Variants in CCAR2 observed in about 807,000 individuals in gnomAD.
The protein encoded by CCAR2 is cell cycle and apoptosis regulator protein 2.
A neutral mutation model predicts 108.1 loss-of-function variants in CCAR2; 21 were observed. The observed-to-expected ratio is 0.19, with a 90% CI of 0.14 to 0.28. The LOEUF (loss-of-function observed/expected upper bound fraction) is 0.28, where lower values mean the gene tolerates loss of function less well. Among genes scored for constraint, CCAR2 ranks in the 10% least tolerant of loss-of-function variants. The pLI, the probability that CCAR2 is intolerant of heterozygous loss-of-function variation, is 1.00. For missense variants in CCAR2, 1,126 were observed against 1,177.0 expected, an observed-to-expected ratio of 0.96 and a Z score of 0.63; for synonymous variants, 577 against 472.8, an observed-to-expected ratio of 1.22 and a Z score of -2.86.
intron 8 of CCAR2, among the ~76,000 whole-genome samples, chr8:22,613,355 C>CTTTTTTTTTTTTTTTTTTTTTTT (rs5890057): frequency 2.4e-5 from 3 of 125,842 alleles, no homozygotes; most frequent in African/African-American, 2.9e-5. Flanking sequence ...AGATCTAGTT[C>CTTTTTTTTTTTTTTTTTTTTTTT]TTTTTTTTTT....
rs547168885 is a variant in CCAR2, at chr8:22,607,296, A to G, written c.458A>G (p.His153Arg). ...GAQPQLIFQP[H>R]RIPPLFPQKP... is the part of the protein sequence containing the mutation. The stretch of plus-strand genomic sequence containing the variant: ...CAGCCTCAGTTGATCTTCCAGCCTC[A>G]CCGGATTCCCCCACTCTTTCCTCAG... Residue 153 changes from histidine (H) to arginine (R), a missense_variant, in exon 6 of 21, where the codon CAC (histidine) becomes CGC (arginine). Physicochemically the swap from His to Arg is conservative, Grantham distance 29 (BLOSUM62 0). This residue lies in a region of CCAR2 where 1,013 missense variants were observed against 993.9 expected (regional missense o/e 1.02). Coordinates refer to ENST00000308511, the MANE Select transcript of CCAR2 (RefSeq NM_001393997.1). 1.2e-6 allele frequency: 2 copies of G among 1,613,052 alleles called. No individual in the cohort carries two copies. The highest frequency in any genetic ancestry group is 1.7e-6 in the Non-Finnish European group (2 of 1,179,978).
At chr8:22,621,340 T>G, downstream of CCAR2, 2 of 1,501,356 alleles carry the variant, frequency 1.3e-6, no homozygotes, top group Middle Eastern at 1.8e-4. Flanking sequence ...CCCCAGCCTG[T>G]GAGAGGAGCA....
At chr8:22,609,181 G>T (rs10108382) in intron 7 of CCAR2, among the ~76,000 whole-genome samples, 1 of 151,934 alleles carries the variant, frequency 6.6e-6, no homozygotes, top group Non-Finnish European at 1.5e-5. Flanking sequence ...CTCCGCAGTA[G>T]CTGGGACTGC....
At position 22,614,438 on chromosome 8, in the gene CCAR2, A is replaced by C. The variant is rs1180815168; in HGVS notation, c.976A>C (p.Met326Leu). 1 of 1,614,204 alleles carries C rather than the reference A, an allele frequency of 6.2e-7. No individual in the cohort carries two copies. The highest frequency in any genetic ancestry group is 1.7e-5 in the Admixed American group (1 of 60,026). The part of the protein sequence containing the change: ...PGLEELYRCC[M>L]LFVDDMAEPR... The stretch of plus-strand genomic sequence containing the variant: ...GTTGGAGGAATTGTATCGTTGTTGC[A>C]TGCTCTTTGTGGATGACATGGCTGA... The change falls in exon 10 of 21, where the codon ATG becomes CTG. Residue 326 changes from methionine to leucine, a missense_variant. Met to Leu is a conservative substitution (Grantham distance 15). Transcript: ENST00000308511.
chr8:22,621,431 G>A (rs766793980), downstream of CCAR2: 22 of 1,612,958 alleles, frequency 1.4e-5, no homozygotes, highest in Admixed American at 1.3e-4. Flanking sequence ...TTCAGTCATC[G>A]GCCACAATGG....
chr8:22,610,535 G>A (rs1462819212), intron 7 of CCAR2, among the ~76,000 whole-genome samples: 1 of 152,230 alleles, frequency 6.6e-6, no homozygotes. Flanking sequence ...GCTAGAGGCC[G>A]ACAGCATTCC....
rs1801070245 is a variant in CCAR2, at chr8:22,606,143, C to T, written c.117C>T (p.Ala39=). Residue 39 remains alanine, a synonymous_variant, in exon 3 of 21, where the codon GCC becomes GCT. Coordinates refer to ENST00000308511, the MANE Select transcript of CCAR2 (RefSeq NM_001393997.1). The stretch of plus-strand genomic sequence containing the variant: ...CTGGTTTGCTCACTCCTCCTGTGGC[C>T]ACAGAACTGTCCCAGAATGCCAGGC... ...PPPGLLTPPV[A]TELSQNARHL... The T allele has an allele frequency of 1.2e-6, 2 of 1,614,150 alleles. No homozygotes were observed. Among genetic ancestry groups the T allele is most frequent in the East Asian group, 4.5e-5 (2 of 44,888 alleles).
At chr8:22,611,388 A>ATATGTGTGTGTGTGTG (rs1554559973) in intron 7 of CCAR2, among the ~76,000 whole-genome samples, 29,624 of 128,160 alleles carry the variant, frequency 0.23, 4,134 homozygotes, top group South Asian at 0.31. Context: ...AAGTATATAT[A>ATATGTGTGTGTGTGTG]TGTGTGTGTG....
At position 22,605,849 on chromosome 8, in the gene CCAR2, T is replaced by C; in HGVS notation, c.58+18T>C. ...CTTCTCAGGTGATCACTGTTCTCCC[T>C]ACCTGGCCTCATCCTGGGAAGTATG... On this transcript the variant is annotated intron_variant, in intron 2 of 20. Coordinates refer to ENST00000308511, the MANE Select transcript of CCAR2 (RefSeq NM_001393997.1). The C allele has an allele frequency of 6.2e-7, 1 of 1,611,362 alleles. No homozygotes were observed. The highest frequency in any genetic ancestry group is 1.1e-5 in the South Asian group (1 of 90,924).
Position 22,617,267 on chromosome 8 carries a change from TAATGAAATTA to T in CCAR2, c.1846-149_1846-140del, listed in dbSNP as rs959844461. Reference sequence around the variant, plus strand: ...GCCCTGGCATGCTCTGAATCCCACTTAATGAAATTAAATACATGAAATGAGACGGTATCTG... The same window carrying T: ...GCCCTGGCATGCTCTGAATCCCACTTAATACATGAAATGAGACGGTATCTG... On this transcript the variant is annotated intron_variant, in intron 14 of 20. Transcript: ENST00000308511. The T allele has an allele frequency of 3.4e-6, 3 of 888,974 alleles. No homozygotes were observed. In the African/African-American group the frequency reaches 5.1e-5, roughly 15 times the overall value. 55.1% of individuals were successfully genotyped at this position (888,974 alleles called of 1,614,324 possible). A position where few individuals can be genotyped will look rare whatever the true frequency, so the allele number is the denominator to read the frequency against.
chr8:22,619,646 C>T lies in CCAR2; in HGVS notation c.2736C>T (p.Ser912=), dbSNP rs1406139693. The change falls in exon 21 of 21, where the codon AGC becomes AGT. Residue 912 remains serine (S), a synonymous_variant. Coordinates refer to ENST00000308511, the MANE Select transcript of CCAR2 (RefSeq NM_001393997.1). ...EIQRVVEKAD[S]WVEKEEPAPS... is the part of the protein sequence containing the mutation. ...TCATCTGTTTCAAACAGGCTGACAG[C>T]TGGGTGGAGAAGGAGGAGCCGGCAC... The T allele has an allele frequency of 6.4e-7, 1 of 1,574,222 alleles. No individual in the cohort carries two copies.
At position 22,612,870 on chromosome 8, in the gene CCAR2, C is replaced by G. The variant is rs536211780; in HGVS notation, c.585-147C>G. The G allele has an allele frequency of 3.5e-5, 29 of 836,320 alleles. No homozygotes were observed. The African/African-American group carries it at 5.0e-4, about 14-fold the overall frequency. 51.8% of individuals were successfully genotyped at this position (836,320 alleles called of 1,614,324 possible). ...AATATCCATTTTAATATCTTTATAA[C>G]ATTCTGTCATATGGCTGTTAGCATG... On this transcript the variant is annotated intron_variant, in intron 7 of 20. Transcript: ENST00000308511.
chr8:22,614,850 A>G lies in CCAR2; in HGVS notation c.1054A>G (p.Arg352Gly). The G allele has an allele frequency of 6.2e-7, 1 of 1,612,168 alleles. No individual in the cohort carries two copies. The highest frequency in any genetic ancestry group is 1.1e-5 in the South Asian group (1 of 90,952). The change falls in exon 11 of 21, where the codon AGG becomes GGG. Residue 352 changes from arginine to glycine, a missense_variant. Physicochemically the swap from Arg to Gly is moderately radical, Grantham distance 125 (BLOSUM62 -2). Around this residue, in one of 4 missense-constraint regions of CCAR2, gnomAD observed 1,013 missense variants for 993.9 expected, o/e 1.02. Transcript: ENST00000308511. Reference protein sequence around the residue: ...PLKQIKFLLGRKEEEAVLVGG... With the variant: ...PLKQIKFLLGGKEEEAVLVGG... ...TCTCTTCTTGCAGTTTTTGCTGGGC[A>G]GGAAAGAAGAGGAGGCAGTGCTGGT...
downstream of CCAR2, chr8:22,621,295 CA>C: frequency 1.5e-6 from 2 of 1,302,100 alleles, no homozygotes; most frequent in Non-Finnish European, 2.1e-6. Flanking sequence ...TCATTCATTG[CA>C]AAGGGCCGGC....
At chr8:22,611,406 AT>A (rs1388705495) in intron 7 of CCAR2, among the ~76,000 whole-genome samples, 6 of 30,568 alleles carry the variant, frequency 2.0e-4, no homozygotes, top group Non-Finnish European at 4.3e-4. Flanking sequence ...GTGTGTGTGT[AT>A]GTGTGTGTAT....
At chr8:22,617,908 C>G (rs1801590093) in intron 16 of CCAR2, 130 bp downstream of exon 16, 1 of 947,968 alleles carries the variant, frequency 1.1e-6, no homozygotes, top group Admixed American at 2.2e-5. Flanking sequence ...CAGTGTGGTC[C>G]TTGGCTCATG....
chr8:22,608,807 A>G (rs1425525937), intron 7 of CCAR2, among the ~76,000 whole-genome samples: 2 of 152,206 alleles, frequency 1.3e-5, no homozygotes, highest in Non-Finnish European at 1.5e-5. Flanking sequence ...AACTTGTTAT[A>G]ATGGAGAATT....
intron 14 of CCAR2, 198 bp downstream of exon 14, chr8:22,616,446 C>T (rs1801511921): frequency 1.7e-6 from 1 of 595,774 alleles, no homozygotes; most frequent in Non-Finnish European, 3.0e-6. Flanking sequence ...CATGGCTGAG[C>T]AGCCTGACAG....
Position 22,617,453 on chromosome 8 carries a change from T to C in CCAR2, c.1879T>C (p.Ser627Pro). The stretch of plus-strand genomic sequence containing the variant: ...TGGGCTTTTGCCCAAACCACTCTCT[T>C]CTGGGGGAGAGGAAGAAGAAAAACC... ...EDGLLPKPLS[S>P]GGEEEEKPRG... Residue 627 changes from serine to proline, a missense_variant, in exon 15 of 21, where the codon TCT becomes CCT. Ser to Pro is a moderately conservative substitution (Grantham distance 74). This residue lies in a region of CCAR2 where 1,013 missense variants were observed against 993.9 expected (regional missense o/e 1.02). Transcript: ENST00000308511. The C allele has an allele frequency of 6.3e-7, 1 of 1,595,984 alleles. No individual in the cohort carries two copies. Among genetic ancestry groups the C allele is most frequent in the Non-Finnish European group, 8.5e-7 (1 of 1,171,610 alleles).
Sources: allele counts gnomAD v4.1 joint callset (sites outside exome capture counted in the v4.1 genomes callset), GRCh38; gene constraint gnomAD v4.1.1; regional missense constraint gnomAD v4.1.1; transcripts MANE v1.5; gene names NCBI Gene and HGNC (gene_info 2026-07-23, HGNC 2026-07-21).